MACROH2A1: variants seen among roughly 807,000 people sequenced by gnomAD.
The protein encoded by MACROH2A1 is core histone macro-H2A.1.
MACROH2A1 carries 2 observed loss-of-function variants against 31.6 expected under a neutral mutation model. The ratio of observed to expected loss-of-function variants is 0.06; its 90% CI spans 0.03 to 0.20. The LOEUF is 0.20. Ranked by LOEUF, MACROH2A1 falls within the 10% of genes least tolerant of loss-of-function variation. The pLI, the probability that MACROH2A1 is intolerant of heterozygous loss-of-function variation, is 1.00. For synonymous variants in MACROH2A1, 169 were observed against 189.6 expected (o/e 0.89, Z 0.89); for missense variants, 230 against 474.0 (o/e 0.49, Z 4.78).
chr5:135,358,739 T>C, intron 5 of MACROH2A1: 1 of 956,104 alleles, frequency 1.0e-6, no homozygotes, highest in Non-Finnish European at 1.2e-6. Context: ...TCAATACTTT[T>C]CTATGGCTTT....
intron 8 of MACROH2A1, among the ~76,000 whole-genome samples, chr5:135,342,534 C>A (rs550681798): frequency 2.0e-5 from 3 of 152,272 alleles, no homozygotes; most frequent in African/African-American, 4.8e-5. Context: ...CATCAGCTGT[C>A]GAAAAACTAG....
intron 2 of MACROH2A1, among the ~76,000 whole-genome samples, chr5:135,383,099 A>G (rs1765876072): frequency 1.3e-5 from 2 of 152,244 alleles, no homozygotes; most frequent in African/African-American, 4.8e-5. Context: ...TGCTGGCCAT[A>G]TAATACCACA....
intron 6 of MACROH2A1, chr5:135,347,443 T>G (rs1041888389): frequency 6.6e-6 from 1 of 152,194 alleles, no homozygotes; most frequent in African/African-American, 2.4e-5. Flanking sequence ...GGCACAAACT[T>G]AGCATCCTTG....
chr5:135,385,321 C>T (rs990317498), intron 2 of MACROH2A1, among the ~76,000 whole-genome samples: 2 of 152,382 alleles, frequency 1.3e-5, no homozygotes, highest in Middle Eastern at 3.4e-3. Context: ...CTGACACCCA[C>T]TTGCAGTCCT....
chr5:135,375,355 T>C (rs1764718792), intron 2 of MACROH2A1, among the ~76,000 whole-genome samples: 1 of 152,230 alleles, frequency 6.6e-6, no homozygotes, highest in Non-Finnish European at 1.5e-5. Flanking sequence ...CATCCTTGGA[T>C]AACAGCATGG....
chr5:135,393,701 G>T (rs529165079), intron 1 of MACROH2A1, among the ~76,000 whole-genome samples: 1 of 152,158 alleles, frequency 6.6e-6, no homozygotes, highest in Non-Finnish European at 1.5e-5. Flanking sequence ...ACAATGATAG[G>T]TCCTCAGGCA....
At chr5:135,389,745 TC>T (rs1766946325) in intron 1 of MACROH2A1, among the ~76,000 whole-genome samples, 1 of 152,018 alleles carries the variant, frequency 6.6e-6, no homozygotes, top group African/African-American at 2.4e-5. Context: ...AGTCACCCAG[TC>T]CAGAGGAAAA....
chr5:135,389,253 C>T, intron 1 of MACROH2A1, 127 bp from the exon 2 acceptor site: 1 of 535,836 alleles, frequency 1.9e-6, no homozygotes, highest in Non-Finnish European at 3.1e-6. Context: ...AGCTGCAGGG[C>T]CCTCCGGGTC....
At chr5:135,388,772 C>T in intron 2 of MACROH2A1, 150 bp downstream of exon 2, 1 of 580,396 alleles carries the variant, frequency 1.7e-6, no homozygotes. Context: ...ACTAGAGAAT[C>T]TAGGTGAAAA....
At chr5:135,355,374 G>A in intron 5 of MACROH2A1, 2 of 393,922 alleles carry the variant, frequency 5.1e-6, no homozygotes, top group Non-Finnish European at 1.0e-5. Flanking sequence ...TCAGCATTGA[G>A]GATTTCCTGC....
chr5:135,342,198 T>C (rs1760010206), intron 8 of MACROH2A1, among the ~76,000 whole-genome samples: 1 of 152,212 alleles, frequency 6.6e-6, no homozygotes, highest in Non-Finnish European at 1.5e-5. Flanking sequence ...ATCTCAGAGG[T>C]GGCTCTGCCC....
chr5:135,367,110 T>G (rs1333556620), intron 4 of MACROH2A1, among the ~76,000 whole-genome samples: 1 of 152,242 alleles, frequency 6.6e-6, no homozygotes, highest in African/African-American at 2.4e-5. Context: ...TACAAGTGCT[T>G]TAGCATGTTA....
At chr5:135,343,172 TGC>T (rs1561575822) in intron 8 of MACROH2A1, 86 bp downstream of exon 8, 2 of 1,602,150 alleles carry the variant, frequency 1.2e-6, no homozygotes, top group Non-Finnish European at 1.7e-6. Context: ...CCGTGGGCCT[TGC>T]ACAGAGTGAG....
intron 2 of MACROH2A1, among the ~76,000 whole-genome samples, chr5:135,387,232 A>G (rs537240369): frequency 3.3e-5 from 5 of 152,362 alleles, no homozygotes; most frequent in East Asian, 1.9e-4. Flanking sequence ...TCTACACAGA[A>G]GAATCATGCT....
chr5:135,373,392 G>A (rs1033367556), intron 2 of MACROH2A1, among the ~76,000 whole-genome samples: 1 of 152,192 alleles, frequency 6.6e-6, no homozygotes, highest in African/African-American at 2.4e-5. Context: ...TAAGCACATC[G>A]GGTTGAGAAA....
chr5:135,391,397 T>C (rs917376222), intron 1 of MACROH2A1, among the ~76,000 whole-genome samples: 4 of 152,196 alleles, frequency 2.6e-5, no homozygotes, highest in Non-Finnish European at 5.9e-5. Flanking sequence ...TGGGCATGTC[T>C]GGGGCTGCCT....
intron 2 of MACROH2A1, among the ~76,000 whole-genome samples, chr5:135,386,351 T>C (rs1561662371): frequency 6.6e-6 from 1 of 152,176 alleles, no homozygotes; most frequent in Non-Finnish European, 1.5e-5. Flanking sequence ...CCTGGTTCCA[T>C]GTTAGGGGCA....
intron 6 of MACROH2A1, chr5:135,350,831 C>T: frequency 6.2e-7 from 1 of 1,605,500 alleles, no homozygotes; most frequent in Non-Finnish European, 8.5e-7. Context: ...ACCTACTTCA[C>T]CACCGATGTA....
At chr5:135,358,381 C>T (rs1410098859) in intron 5 of MACROH2A1, 4 of 985,174 alleles carry the variant, frequency 4.1e-6, no homozygotes, top group East Asian at 1.1e-4. Context: ...ACAGTGTCTG[C>T]AGCACTAGAT....
Sources: allele counts gnomAD v4.1 joint callset (sites outside exome capture counted in the v4.1 genomes callset), GRCh38; gene constraint gnomAD v4.1.1; transcripts MANE v1.5; gene names NCBI Gene and HGNC (gene_info 2026-07-23, HGNC 2026-07-21).